The following MARK1 variants were observed in gnomAD, a reference collection of about 807,000 sequenced individuals.
MARK1 encodes the protein serine/threonine-protein kinase MARK1.
In MARK1, 40 loss-of-function variants were observed where a neutral mutation model predicts 96.3. That is an observed-to-expected ratio of 0.42 (90% CI 0.32 to 0.54). MARK1 has a LOEUF of 0.54. Among genes scored for constraint, MARK1 ranks in the 20% least tolerant of loss-of-function variants. The pLI is 0.16. For missense variants in MARK1, 719 were observed against 984.6 expected (o/e 0.73, Z 3.61); for synonymous variants, 317 against 341.2 (o/e 0.93, Z 0.78).
chr1:220,605,521 T>G (rs1392044107), intron 6 of MARK1, among the ~76,000 whole-genome samples: 1 of 151,768 alleles, frequency 6.6e-6, no homozygotes, highest in Non-Finnish European at 1.5e-5. Context: ...TTTTTCTTCC[T>G]TTTTTAAATT....
At chr1:220,660,534 A>C (rs1415837395) in intron 17 of MARK1, among the ~76,000 whole-genome samples, 1 of 152,162 alleles carries the variant, frequency 6.6e-6, no homozygotes, top group Non-Finnish European at 1.5e-5. Context: ...AACTCCTTTC[A>C]AGGGACTTTT....
intron 1 of MARK1, among the ~76,000 whole-genome samples, chr1:220,567,246 GTTGTTTCCGACCTT>G (rs1663123281): frequency 6.6e-6 from 1 of 152,054 alleles, no homozygotes; most frequent in African/African-American, 2.4e-5. Context: ...GGCTATTTAG[GTTGTTTCCGACCTT>G]TTGTTATTAC....
chr1:220,546,294 A>G (rs1009221631), intron 1 of MARK1, among the ~76,000 whole-genome samples: 1 of 152,214 alleles, frequency 6.6e-6, no homozygotes, highest in Non-Finnish European at 1.5e-5. Context: ...AAAGATTCAC[A>G]TTTCATAATG....
At chr1:220,572,304 C>T (rs1473943253) in intron 1 of MARK1, among the ~76,000 whole-genome samples, 2 of 152,018 alleles carry the variant, frequency 1.3e-5, no homozygotes, top group Admixed American at 6.6e-5. Context: ...TACAATGGTG[C>T]GATCTCTGCT....
chr1:220,600,949 G>C (rs1019701061), intron 5 of MARK1, among the ~76,000 whole-genome samples: 1 of 150,312 alleles, frequency 6.7e-6, no homozygotes, highest in Admixed American at 6.6e-5. Context: ...CTGGAGTGCA[G>C]TGGCACGATC....
chr1:220,591,724 T>C (rs144976321), intron 3 of MARK1, among the ~76,000 whole-genome samples: 2 of 152,348 alleles, frequency 1.3e-5, no homozygotes, highest in African/African-American at 4.8e-5. Flanking sequence ...AATCTTTTCA[T>C]GTAGGGCCAA....
intron 3 of MARK1, among the ~76,000 whole-genome samples, chr1:220,590,388 C>T (rs191029613): frequency 6.6e-6 from 1 of 152,262 alleles, no homozygotes; most frequent in Admixed American, 6.5e-5. Context: ...GGTGTGTAGG[C>T]AGGTTTGGTT....
At chr1:220,575,433 G>A (rs1196412700) in intron 1 of MARK1, among the ~76,000 whole-genome samples, 2 of 152,156 alleles carry the variant, frequency 1.3e-5, no homozygotes, top group Non-Finnish European at 2.9e-5. Context: ...TCTAGCATGA[G>A]CTGAATTGAT....
chr1:220,641,945 C>A (rs1668295148), intron 13 of MARK1, among the ~76,000 whole-genome samples: 1 of 152,190 alleles, frequency 6.6e-6, no homozygotes, highest in South Asian at 2.1e-4. Flanking sequence ...GAGCCTACAC[C>A]ACCAGAGCCC....
intron 1 of MARK1, among the ~76,000 whole-genome samples, chr1:220,533,668 A>G (rs1380281591): frequency 2.0e-5 from 3 of 152,140 alleles, no homozygotes; most frequent in Non-Finnish European, 2.9e-5. Context: ...GTCTATTGAT[A>G]TACATTGTTT....
chr1:220,586,483 A>T (rs534602157), intron 3 of MARK1, among the ~76,000 whole-genome samples: 1 of 152,288 alleles, frequency 6.6e-6, no homozygotes, highest in African/African-American at 2.4e-5. Flanking sequence ...ATAACCAAGG[A>T]TTATTTATAA....
intron 9 of MARK1, chr1:220,627,195 A>G: frequency 2.1e-6 from 1 of 476,758 alleles, no homozygotes; most frequent in Non-Finnish European, 4.2e-6. Flanking sequence ...ATGAGAGCGA[A>G]GAAGACCCTG....
chr1:220,594,625 C>T (rs903224582), intron 3 of MARK1, among the ~76,000 whole-genome samples: 5 of 152,264 alleles, frequency 3.3e-5, no homozygotes, highest in African/African-American at 4.8e-5. Flanking sequence ...GCAACCAAGA[C>T]GTCCTTCAGT....
intron 3 of MARK1, among the ~76,000 whole-genome samples, chr1:220,591,508 T>C (rs1664978051): frequency 6.6e-6 from 1 of 152,202 alleles, no homozygotes; most frequent in Non-Finnish European, 1.5e-5. Context: ...GAAACCAGCA[T>C]GGCTTATTCA....
chr1:220,533,061 TTTA>T (rs773456398), intron 1 of MARK1, among the ~76,000 whole-genome samples: 3 of 152,104 alleles, frequency 2.0e-5, no homozygotes, highest in Non-Finnish European at 4.4e-5. Context: ...TATAAGATAC[TTTA>T]TTAGAGGAAG....
Position 220,528,885 on chromosome 1 carries a change from G to T in MARK1, c.51+12G>T. On this transcript the variant is annotated intron_variant, in intron 1 of 17. Transcript: ENST00000366917. ...GGGACACGGAAAATGTGAGTAACCG[G>T]AGCCTCCCTCGGGAGCAGTGGGGGC... 1 of 1,563,824 alleles carries T rather than the reference G, an allele frequency of 6.4e-7. No homozygotes were observed. Among genetic ancestry groups the T allele is most frequent in the South Asian group, 1.2e-5 (1 of 84,956 alleles).
intron 3 of MARK1, among the ~76,000 whole-genome samples, chr1:220,586,011 A>ACACGCACGCGCGCG (rs112968910): frequency 9.4e-5 from 14 of 148,536 alleles, no homozygotes; most frequent in African/African-American, 3.6e-4. Flanking sequence ...ACACACACAC[A>ACACGCACGCGCGCG]CGCGCGCGTG....
chr1:220,586,068 G>A (rs1490807930), intron 3 of MARK1, among the ~76,000 whole-genome samples: 1 of 151,864 alleles, frequency 6.6e-6, no homozygotes, highest in Non-Finnish European at 1.5e-5. Context: ...TTTAAAAGTT[G>A]TCAAGGATGC....
chr1:220,649,797 T>C (rs902940989), intron 13 of MARK1, among the ~76,000 whole-genome samples: 1 of 152,168 alleles, frequency 6.6e-6, no homozygotes, highest in African/African-American at 2.4e-5. Context: ...TTTTAAATGC[T>C]GGGTTAGTCA....
Sources: gnomAD v4.1 joint callset for allele counts (sites outside exome capture counted in the v4.1 genomes callset) on GRCh38, gnomAD v4.1.1 for gene constraint, MANE v1.5 for transcripts, NCBI Gene and HGNC (gene_info 2026-07-23, HGNC 2026-07-21) for gene names.